Variants in KCNT1 observed in about 807,000 individuals in gnomAD.
The protein encoded by KCNT1 is potassium sodium-activated channel subfamily T member 1, also known as potassium channel subfamily T member 1.
In KCNT1, 78 loss-of-function variants were observed where a neutral mutation model predicts 147.8. The observed-to-expected ratio is 0.53, with a 90% CI of 0.44 to 0.64. The LOEUF (loss-of-function observed/expected upper bound fraction) is 0.64, where lower values mean the gene tolerates loss of function less well. KCNT1 is among the 30% of genes least tolerant of loss of function. The pLI is 0.00. For missense variants in KCNT1, 1,419 were observed against 1,750.3 expected (o/e 0.81, Z 3.38); for synonymous variants, 867 against 748.8 (o/e 1.16, Z -2.58).
rs566217379 is a variant in KCNT1, at chr9:135,766,332, A to G, written c.1337+572A>G. 1.9e-4 allele frequency among the ~76,000 whole-genome samples: 27 copies of G among 144,092 alleles called. No homozygotes were observed. The South Asian group carries it at 5.6e-3, about 30-fold the overall frequency. The allele number at this position is 144,092 out of a possible 152,430, so 94.5% of individuals were successfully genotyped here. ...TGGGGTGGGCTGTCTGGGGTGGGCC[A>G]TTCAGAGTGAACCATCTGGGATGGA... On this transcript the variant is annotated intron_variant, in intron 13 of 30. Transcript: ENST00000371757.
rs570834057 is a variant in KCNT1 at position 135,714,113 on chromosome 9, C to G, written c.111-464C>G. On this transcript the variant is annotated intron_variant, in intron 1 of 30. Coordinates refer to ENST00000371757, the MANE Select transcript of KCNT1 (RefSeq NM_020822.3). The surrounding 1 kb of genome is among the most constrained non-coding windows in gnomAD (Gnocchi z 6.2). ...GAGACGGGGGTCTCTGGGGCTGGAC[C>G]CTGAAGGAAGATTGAGCAGCCGGCC... 6.6e-6 allele frequency among the ~76,000 whole-genome samples: 1 copy of G among 152,106 alleles called. No homozygotes were observed. Among genetic ancestry groups the G allele is most frequent in the South Asian group, 2.1e-4 (1 of 4,814 alleles).
chr9:135,734,059 C>A (rs1273954744), intron 2 of KCNT1, among the ~76,000 whole-genome samples: 3 of 152,156 alleles, frequency 2.0e-5, no homozygotes, highest in African/African-American at 4.8e-5. Context: ...ACTCAGCTCG[C>A]GGTAGGCAAA....
At chr9:135,773,001 G>C (rs764391910) in intron 19 of KCNT1, 52 bp downstream of exon 19, 32 of 1,301,798 alleles carry the variant, frequency 2.5e-5, no homozygotes, top group South Asian at 3.2e-5. Flanking sequence ...CCGCCCATGA[G>C]TGCGGGGGAT....
intron 19 of KCNT1, among the ~76,000 whole-genome samples, chr9:135,774,391 TTG>T (rs1297610814): frequency 7.0e-6 from 1 of 143,512 alleles, no homozygotes; most frequent in Non-Finnish European, 1.5e-5. Flanking sequence ...GTTGCGTATG[TTG>T]TGTGTCCGTG....
rs1251963387 is a variant in KCNT1, at chr9:135,752,380, T to A, written c.434+1339T>A. 2.2e-6 allele frequency: 1 copy of A among 456,468 alleles called. No homozygotes were observed. The highest frequency in any genetic ancestry group is 1.5e-5 in the South Asian group (1 of 64,562). 28.3% of individuals were successfully genotyped at this position (456,468 alleles called of 1,614,324 possible). On this transcript the variant is annotated intron_variant, in intron 4 of 30. Coordinates refer to ENST00000371757, the MANE Select transcript of KCNT1 (RefSeq NM_020822.3). The surrounding 1 kb of genome is among the most constrained non-coding windows in gnomAD (Gnocchi z 5.1). The stretch of plus-strand genomic sequence containing the variant: ...AATGAACCTCCTGTCTTTGTCTAGG[T>A]CAGAAGAGGGCAGAACCCACTAGGA...
At chr9:135,771,230 C>T (rs1298709397) in intron 18 of KCNT1, 135 bp downstream of exon 18, 8 of 766,002 alleles carry the variant, frequency 1.0e-5, no homozygotes, top group African/African-American at 5.2e-5. Context: ...GACAGGAGAC[C>T]AGGCAGGACA....
At chr9:135,724,120 A>G (rs498618) in intron 2 of KCNT1, among the ~76,000 whole-genome samples, 94,826 of 152,144 alleles carry the variant, frequency 0.62, 29,653 homozygotes, top group East Asian at 0.74. Context: ...TGTGGGATCC[A>G]GGCTCAGAGG....
At position 135,760,738 on chromosome 9, in the gene KCNT1, G is replaced by A. The variant is rs571661042; in HGVS notation, c.1035+879G>A. Among the ~76,000 whole-genome samples the A allele has an allele frequency of 3.9e-5, 6 of 152,340 alleles. 1 individual carries two copies. In the South Asian group the frequency reaches 6.2e-4, roughly 16 times the overall value. On this transcript the variant is annotated intron_variant, in intron 11 of 30. Transcript: ENST00000371757. The stretch of plus-strand genomic sequence containing the variant: ...GCCAAAGCTGTGGCACCAGCTGTAC[G>A]GCCCCCAGCGTGGGCCATGTTCTCC...
At chr9:135,702,516 C>T in intron 1 of KCNT1, 148 bp downstream of exon 1, 1 of 672,970 alleles carries the variant, frequency 1.5e-6, no homozygotes, top group South Asian at 1.8e-5. Context: ...CTCCCAACCA[C>T]CTTGGGGAAC....
chr9:135,728,416 C>T (rs942305389), intron 2 of KCNT1, among the ~76,000 whole-genome samples: 1 of 152,338 alleles, frequency 6.6e-6, no homozygotes, highest in Admixed American at 6.5e-5. Flanking sequence ...CCAAGCCACC[C>T]GCAGGCCCCT....
intron 2 of KCNT1, among the ~76,000 whole-genome samples, chr9:135,726,927 CT>C (rs1836183787): frequency 1.6e-5 from 2 of 124,500 alleles, no homozygotes; most frequent in African/African-American, 6.2e-5. Flanking sequence ...CCCTCTCTCT[CT>C]CTCCCTCCCT....
In KCNT1 at chr9:135,792,266, C is replaced by T; in HGVS notation, c.*105C>T. On this transcript the variant is annotated 3_prime_UTR_variant, in exon 31 of 31. Coordinates refer to ENST00000371757, the MANE Select transcript of KCNT1 (RefSeq NM_020822.3). Reference sequence around the variant, plus strand: ...CACTAGCGTGACCCTGGGGATGGCACACTCTACTCACCATGGCTCCTGGGA... The same window carrying T: ...CACTAGCGTGACCCTGGGGATGGCATACTCTACTCACCATGGCTCCTGGGA... 1 of 1,367,960 alleles carries T rather than the reference C, an allele frequency of 7.3e-7. No individual in the cohort carries two copies. The allele number at this position is 1,367,960 out of a possible 1,614,324, so 84.7% of individuals were successfully genotyped here.
chr9:135,714,726 G>A lies in KCNT1; in HGVS notation c.254+6G>A. 7.2e-7 allele frequency: 1 copy of A among 1,381,366 alleles called. No homozygotes were observed. Among genetic ancestry groups the A allele is most frequent in the Non-Finnish European group, 9.5e-7 (1 of 1,054,452 alleles). The allele number at this position is 1,381,366 out of a possible 1,614,324, so 85.6% of individuals were successfully genotyped here. On this transcript the variant is annotated splice_donor_region_variant and intron_variant, in intron 2 of 30. Transcript: ENST00000371757. This position sits in a 1 kb window ranked among gnomAD's most constrained non-coding sequence, Gnocchi z 6.2. ...TCCTTCCAGAACGACGACAGGTAGG[G>A]ACCGGGCGCGGGGTGGGGGCTGGGG...
At chr9:135,788,180 G>A in intron 29 of KCNT1, 7 of 1,607,322 alleles carry the variant, frequency 4.4e-6, no homozygotes, top group Non-Finnish European at 6.0e-6. Context: ...TGCCCTGGCG[G>A]GTGCCGACCA....
chr9:135,705,794 A>G (rs1835228134), intron 1 of KCNT1, among the ~76,000 whole-genome samples: 1 of 151,790 alleles, frequency 6.6e-6, no homozygotes, highest in South Asian at 2.1e-4. Context: ...CAAGTGTAAC[A>G]GGTTTGCAGG....
chr9:135,746,324 C>T (rs1830831378), intron 2 of KCNT1, among the ~76,000 whole-genome samples: 1 of 152,194 alleles, frequency 6.6e-6, no homozygotes, highest in African/African-American at 2.4e-5. Flanking sequence ...CACAGCCCCT[C>T]GGTGAGGGGA....
rs1218041775 is a variant in KCNT1, at chr9:135,757,363, C to T, written c.741C>T (p.His247=). The part of the protein sequence containing the change: ...PVFLNCWLAK[H]ALENMINDFH... Reference sequence around the variant, plus strand: ...TTCTGAACTGCTGGCTGGCCAAGCACGCGCTGGAAAACATGATTGTAAGCC... The same window carrying T: ...TTCTGAACTGCTGGCTGGCCAAGCATGCGCTGGAAAACATGATTGTAAGCC... Residue 247 remains histidine, a synonymous_variant, in exon 9 of 31, where the codon CAC becomes CAT. Transcript: ENST00000371757. The T allele has an allele frequency of 9.3e-6, 15 of 1,609,570 alleles. No individual in the cohort carries two copies. Among genetic ancestry groups the T allele is most frequent in the African/African-American group, 1.3e-5 (1 of 74,884 alleles).
chr9:135,704,906 T>G (rs1835186331), intron 1 of KCNT1, among the ~76,000 whole-genome samples: 1 of 152,180 alleles, frequency 6.6e-6, no homozygotes, highest in African/African-American at 2.4e-5. Context: ...CACAGGGAAC[T>G]CAGGGGTCTG....
At chr9:135,784,220 A>G in intron 25 of KCNT1, 95 bp downstream of exon 25, 1 of 983,600 alleles carries the variant, frequency 1.0e-6, no homozygotes, top group Non-Finnish European at 1.6e-6. Context: ...GAATGATAGG[A>G]CTCCCTCTGA....
Sources: gnomAD v4.1 joint callset for allele counts (sites outside exome capture counted in the v4.1 genomes callset) on GRCh38, gnomAD v4.1.1 for gene constraint, Gnocchi (gnomAD v3.1) non-coding constraint, MANE v1.5 for transcripts, NCBI Gene and HGNC (gene_info 2026-07-23, HGNC 2026-07-21) for gene names.